CAMTA1: variants seen among roughly 807,000 people sequenced by gnomAD.
The protein encoded by CAMTA1 is calmodulin-binding transcription activator 1.
CAMTA1 carries 27 observed loss-of-function variants against 170.9 expected under a neutral mutation model. The ratio of observed to expected loss-of-function variants is 0.16; its 90% CI spans 0.12 to 0.22. The LOEUF (loss-of-function observed/expected upper bound fraction) is 0.22. Among genes scored for constraint, CAMTA1 ranks in the 10% least tolerant of loss-of-function variants. The pLI, the probability that CAMTA1 is intolerant of heterozygous loss-of-function variation, is 1.00. For missense variants in CAMTA1, 1,619 were observed against 2,217.2 expected, an observed-to-expected ratio of 0.73 and a Z score of 5.42; for synonymous variants, 833 against 891.5, an observed-to-expected ratio of 0.93 and a Z score of 1.17.
At chr1:6,845,532 G>C (rs1421006975) in intron 3 of CAMTA1, among the ~76,000 whole-genome samples, 1 of 152,174 alleles carries the variant, frequency 6.6e-6, no homozygotes, top group East Asian at 1.9e-4. Context: ...TAAGTGAGTG[G>C]ACTTTATGAT....
intron 3 of CAMTA1, among the ~76,000 whole-genome samples, chr1:6,979,749 G>A (rs113122823): frequency 3.7e-4 from 57 of 152,222 alleles, no homozygotes; most frequent in Non-Finnish European, 6.9e-4. Context: ...TGTAGCTGGG[G>A]GAGAGGACCC....
rs536917974 is a variant in CAMTA1, at chr1:7,600,484, T to C, written c.511-39916T>C. 5.6e-3 allele frequency among the ~76,000 whole-genome samples: 755 copies of C among 135,302 alleles called. 5 individuals are homozygous for C. Among genetic ancestry groups the C allele is most frequent in the African/African-American group, 0.021 (726 of 34,384 alleles). 88.8% of individuals were successfully genotyped at this position (135,302 alleles called of 152,430 possible). A position where few individuals can be genotyped will look rare whatever the true frequency, so the allele number is the denominator to read the frequency against. On this transcript the variant is annotated intron_variant, in intron 6 of 22. Coordinates refer to ENST00000303635, the MANE Select transcript of CAMTA1 (RefSeq NM_015215.4). ...TGAGTTAGGGAGGATTCCCTCTTTT[T>C]CTTTTTCTTTTTTTTTTTTTAATTG...
chr1:7,007,619 C>T lies in CAMTA1; in HGVS notation c.235-83685C>T, dbSNP rs2100726283. Among the ~76,000 whole-genome samples the T allele has an allele frequency of 6.6e-6, 1 of 152,316 alleles. No individual in the cohort carries two copies. Among genetic ancestry groups the T allele is most frequent in the South Asian group, 2.1e-4 (1 of 4,822 alleles). On this transcript the variant is annotated intron_variant, in intron 3 of 22. Coordinates refer to ENST00000303635, the MANE Select transcript of CAMTA1 (RefSeq NM_015215.4). The surrounding 1 kb of genome is among the most constrained non-coding windows in gnomAD (Gnocchi z 4.5). The stretch of plus-strand genomic sequence containing the variant: ...CAAACTCCTCCCATCCTCAGGTGAC[C>T]TGGTGCTTGACCCAGACTGCCGAGG...
At chr1:7,578,510 G>A (rs2095224569) in intron 6 of CAMTA1, among the ~76,000 whole-genome samples, 3 of 152,316 alleles carry the variant, frequency 2.0e-5, no homozygotes, top group South Asian at 2.1e-4. Context: ...CCTGCCCTCC[G>A]CCCCTACCGA....
At chr1:7,480,908 C>T (rs2093520751) in intron 6 of CAMTA1, among the ~76,000 whole-genome samples, 3 of 152,198 alleles carry the variant, frequency 2.0e-5, no homozygotes, top group Admixed American at 2.0e-4. Context: ...GAATCTGCAT[C>T]TCCAACTTCT....
rs148440209 is a variant in CAMTA1, at chr1:7,407,916, G to A, written c.439-59914G>A. Among the ~76,000 whole-genome samples the A allele has an allele frequency of 3.0e-3, 450 of 152,254 alleles. 1 individual carries two copies. The highest frequency in any genetic ancestry group is 7.3e-3 in the South Asian group (35 of 4,824). ...TACCTTGGCCTACCCTGCATTCAAC[G>A]AAGGTTCTCCCAAGCCCACTGGAGA... On this transcript the variant is annotated intron_variant, in intron 5 of 22. Transcript: ENST00000303635.
chr1:7,636,416 G>GT (rs1442985699), intron 6 of CAMTA1, among the ~76,000 whole-genome samples: 1 of 152,194 alleles, frequency 6.6e-6, no homozygotes, highest in Non-Finnish European at 1.5e-5. Flanking sequence ...GCAACAACCT[G>GT]TGTTTAGAAA....
chr1:6,955,774 G>A (rs1689349629), intron 3 of CAMTA1, among the ~76,000 whole-genome samples: 1 of 152,120 alleles, frequency 6.6e-6, no homozygotes, highest in Non-Finnish European at 1.5e-5. Flanking sequence ...GTTGCTTGTG[G>A]AGCAAGAAGC....
intron 6 of CAMTA1, among the ~76,000 whole-genome samples, chr1:7,601,734 C>T (rs977775364): frequency 6.6e-6 from 1 of 152,238 alleles, no homozygotes; most frequent in Non-Finnish European, 1.5e-5. Flanking sequence ...CGGTTAGGAG[C>T]TGGAGACCAG....
At chr1:7,168,337 A>T (rs766966608) in intron 4 of CAMTA1, among the ~76,000 whole-genome samples, 1 of 152,136 alleles carries the variant, frequency 6.6e-6, no homozygotes, top group African/African-American at 2.4e-5. Flanking sequence ...TTATTCTTGC[A>T]TTACTGAGCA....
chr1:7,399,304 C>T (rs2089698216), intron 5 of CAMTA1, among the ~76,000 whole-genome samples: 1 of 152,174 alleles, frequency 6.6e-6, no homozygotes, highest in Non-Finnish European at 1.5e-5. Flanking sequence ...TTTGCACATT[C>T]CTGCTTCCAT....
rs369996806 is a variant in CAMTA1, at chr1:7,451,941, T to C, written c.439-15889T>C. On this transcript the variant is annotated intron_variant, in intron 5 of 22. Coordinates refer to ENST00000303635, the MANE Select transcript of CAMTA1 (RefSeq NM_015215.4). Reference sequence around the variant, plus strand: ...TGCCCACAAGGAGTCAGCAGCCTCATTGGGCAGGTGGGCCCCTTAGAAGCT... The same window carrying C: ...TGCCCACAAGGAGTCAGCAGCCTCACTGGGCAGGTGGGCCCCTTAGAAGCT... Among the ~76,000 whole-genome samples, 30 of 152,280 alleles carry C rather than the reference T, an allele frequency of 2.0e-4. No homozygotes were observed. The East Asian group carries it at 5.2e-3, about 26-fold the overall frequency.
intron 6 of CAMTA1, among the ~76,000 whole-genome samples, chr1:7,470,597 G>C (rs922242619): frequency 1.3e-5 from 2 of 152,196 alleles, no homozygotes; most frequent in Non-Finnish European, 2.9e-5. Flanking sequence ...ACTAGGAAAG[G>C]GAGTGATGGG....
chr1:7,351,841 G>C (rs531964558), intron 5 of CAMTA1, among the ~76,000 whole-genome samples: 14 of 152,190 alleles, frequency 9.2e-5, no homozygotes, highest in Non-Finnish European at 2.1e-4. Flanking sequence ...GACATTTATG[G>C]CAAGTATAAA....
intron 6 of CAMTA1, among the ~76,000 whole-genome samples, chr1:7,499,671 G>A (rs1056205398): frequency 6.9e-6 from 1 of 144,588 alleles, no homozygotes; most frequent in Non-Finnish European, 1.5e-5. Flanking sequence ...GTGTGCATGA[G>A]TGTGTGTGAA....
In CAMTA1 at chr1:7,663,771, C is replaced by G. The variant is rs374460842; in HGVS notation, c.1224C>G (p.Ala408=). ...TCATGTCAGAGGTCACCAATGAGGC[C>G]GTGTACACCATGTCCCCCACCGCTG... ...TVFMSEVTNE[A]VYTMSPTAGP... Residue 408 remains alanine (A), a synonymous_variant, in exon 9 of 23, where the codon GCC becomes GCG. Coordinates refer to ENST00000303635, the MANE Select transcript of CAMTA1 (RefSeq NM_015215.4). 10 of 1,613,956 alleles carry G rather than the reference C, an allele frequency of 6.2e-6. No homozygotes were observed. The Admixed American group carries it at 6.7e-5, about 11-fold the overall frequency.
intron 4 of CAMTA1, among the ~76,000 whole-genome samples, chr1:7,167,107 G>A (rs1450897457): frequency 2.6e-5 from 4 of 152,050 alleles, no homozygotes; most frequent in East Asian, 1.9e-4. Context: ...CACCGTGCCC[G>A]GACAATGCAG....
chr1:6,794,880 C>CTTTTTTTTTTTTTTT (rs1305335139), intron 1 of CAMTA1, among the ~76,000 whole-genome samples: 18 of 141,890 alleles, frequency 1.3e-4, no homozygotes, highest in East Asian at 8.2e-4. Context: ...TAGATAAAGG[C>CTTTTTTTTTTTTTTT]TTTTTTTTTG....
intron 5 of CAMTA1, among the ~76,000 whole-genome samples, chr1:7,388,706 C>T (rs976880170): frequency 6.6e-6 from 1 of 152,202 alleles, no homozygotes; most frequent in African/African-American, 2.4e-5. Flanking sequence ...GGCCCAAGCC[C>T]CTGGTTCTGA....
Sources: gnomAD v4.1 joint callset for allele counts (sites outside exome capture counted in the v4.1 genomes callset) on GRCh38, gnomAD v4.1.1 for gene constraint, Gnocchi (gnomAD v3.1) non-coding constraint, MANE v1.5 for transcripts, NCBI Gene and HGNC (gene_info 2026-07-23, HGNC 2026-07-21) for gene names.